Variants in RORA observed in about 807,000 individuals in gnomAD.
The protein encoded by RORA is RAR related orphan receptor A.
A neutral mutation model predicts 69.5 loss-of-function variants in RORA; 7 were observed. The ratio of observed to expected loss-of-function variants is 0.10; its 90% CI spans 0.06 to 0.19. RORA has a LOEUF of 0.19. Ranked by LOEUF, RORA falls within the 10% of genes least tolerant of loss-of-function variation. The probability of loss-of-function intolerance (pLI) is 1.00; values close to 1 mark genes in which losing one functional copy is unlikely to be tolerated. For missense variants in RORA, 457 were observed against 663.0 expected (o/e 0.69, Z 3.41); for synonymous variants, 261 against 240.8 (o/e 1.08, Z -0.78).
chr15:60,540,574 C>CCCCG (rs1555428642), intron 2 of RORA, among the ~76,000 whole-genome samples: 1,820 of 102,464 alleles, frequency 0.018, 205 homozygotes, highest in African/African-American at 0.077. Flanking sequence ...ACCCCCCCCC[C>CCCCG]CCAAAACTGT....
chr15:60,490,377 C>T lies in RORA; in HGVS notation c.*7078G>A, dbSNP rs769868330. 5 of 152,020 alleles carry T rather than the reference C, an allele frequency of 3.3e-5. No homozygotes were observed. The highest frequency in any genetic ancestry group is 5.9e-5 in the Non-Finnish European group (4 of 67,954). The allele number at this position is 152,020 out of a possible 1,614,324, so 9.4% of individuals were successfully genotyped here. A position where few individuals can be genotyped will look rare whatever the true frequency, so the allele number is the denominator to read the frequency against. On this transcript the variant is annotated 3_prime_UTR_variant, in exon 11 of 11. Coordinates refer to ENST00000335670, the MANE Select transcript of RORA (RefSeq NM_134261.3). The surrounding 1 kb of genome is among the most constrained non-coding windows in gnomAD (Gnocchi z 4.1). Reference sequence around the variant, plus strand: ...ATATAGTAAAACCGGTATTATACAGCATATTGTGGATTTGATAAACAGATA... The same window carrying T: ...ATATAGTAAAACCGGTATTATACAGTATATTGTGGATTTGATAAACAGATA...
intron 2 of RORA, among the ~76,000 whole-genome samples, chr15:60,577,900 T>C (rs1013411159): frequency 6.6e-6 from 1 of 152,222 alleles, no homozygotes; most frequent in Non-Finnish European, 1.5e-5. Flanking sequence ...AGAAGACAAG[T>C]AGATTCTCAT....
chr15:61,015,771 T>C (rs1280025994), intron 1 of RORA, among the ~76,000 whole-genome samples: 1 of 152,232 alleles, frequency 6.6e-6, no homozygotes, highest in Middle Eastern at 3.2e-3. Flanking sequence ...TCTAAGAATA[T>C]GCTCCAAATG....
At chr15:60,538,734 G>A (rs959409438) in intron 2 of RORA, among the ~76,000 whole-genome samples, 6 of 151,852 alleles carry the variant, frequency 4.0e-5, no homozygotes, top group African/African-American at 9.7e-5. Context: ...CGGTCTTGTC[G>A]GGGCATCATG....
chr15:60,558,463 T>C (rs1483210262), intron 2 of RORA: 1 of 541,940 alleles, frequency 1.8e-6, no homozygotes, highest in Non-Finnish European at 3.3e-6. Context: ...ATCATTAATG[T>C]CTGACTGAAT....
intron 2 of RORA, among the ~76,000 whole-genome samples, chr15:60,542,199 G>A (rs2066893368): frequency 6.6e-6 from 1 of 152,164 alleles, no homozygotes; most frequent in Non-Finnish European, 1.5e-5. Context: ...CACATCGGAT[G>A]GAAACACACT....
intron 3 of RORA, among the ~76,000 whole-genome samples, chr15:60,516,197 T>TTATATATATATATTTATATATATATTTA (rs1239658387): frequency 7.6e-5 from 1 of 13,214 alleles, no homozygotes; most frequent in Non-Finnish European, 1.2e-4. Context: ...ATATATATAT[T>TTATATATATATATTTATATATATATTTA]TATATATATA....
chr15:61,162,995 C>A (rs2140885327), intron 1 of RORA, among the ~76,000 whole-genome samples: 1 of 152,274 alleles, frequency 6.6e-6, no homozygotes, highest in African/African-American at 2.4e-5. Flanking sequence ...GTGCAAGGAC[C>A]TGATTTATGT....
intron 1 of RORA, among the ~76,000 whole-genome samples, chr15:61,115,416 T>C (rs1236001609): frequency 6.6e-6 from 1 of 152,168 alleles, no homozygotes; most frequent in East Asian, 1.9e-4. Flanking sequence ...ATCCTGGACA[T>C]GCTGCACCAC....
At chr15:61,041,466 C>T (rs762294099) in intron 1 of RORA, among the ~76,000 whole-genome samples, 1 of 152,178 alleles carries the variant, frequency 6.6e-6, no homozygotes, top group African/African-American at 2.4e-5. Flanking sequence ...GACAACCAGG[C>T]GCCACACTAA....
At chr15:60,552,058 A>C (rs1047786610) in intron 2 of RORA, among the ~76,000 whole-genome samples, 1 of 152,200 alleles carries the variant, frequency 6.6e-6, no homozygotes, top group Non-Finnish European at 1.5e-5. Flanking sequence ...CGTGGTTCAC[A>C]GTGGTGGTGT....
intron 2 of RORA, among the ~76,000 whole-genome samples, chr15:60,535,041 C>T (rs1407630227): frequency 1.3e-5 from 2 of 152,174 alleles, no homozygotes; most frequent in Non-Finnish European, 1.5e-5. Flanking sequence ...TGCCTTTCAT[C>T]GTGTAGGCTT....
chr15:60,616,229 G>A (rs941109259), intron 2 of RORA, among the ~76,000 whole-genome samples: 2 of 152,202 alleles, frequency 1.3e-5, no homozygotes, highest in African/African-American at 2.4e-5. Context: ...AATTGGCAGT[G>A]TTAAGCAATT....
chr15:60,803,673 G>T (rs779743710), intron 1 of RORA, among the ~76,000 whole-genome samples: 1 of 152,156 alleles, frequency 6.6e-6, no homozygotes, highest in Non-Finnish European at 1.5e-5. Flanking sequence ...AGCAGTAAAA[G>T]AATTCTAAGA....
intron 1 of RORA, among the ~76,000 whole-genome samples, chr15:61,108,752 C>G (rs997644673): frequency 1.3e-5 from 2 of 152,194 alleles, no homozygotes; most frequent in Admixed American, 1.3e-4. Context: ...AGTGGTCATT[C>G]TGGAGACCTT....
chr15:60,534,351 A>C lies in RORA; in HGVS notation c.197-2500T>G, dbSNP rs2141464727. Among the ~76,000 whole-genome samples the C allele has an allele frequency of 6.6e-6, 1 of 152,244 alleles. No homozygotes were observed. The highest frequency in any genetic ancestry group is 1.9e-4 in the East Asian group (1 of 5,176). On this transcript the variant is annotated intron_variant, in intron 2 of 10. Coordinates refer to ENST00000335670, the MANE Select transcript of RORA (RefSeq NM_134261.3). The surrounding 1 kb of genome is among the most constrained non-coding windows in gnomAD (Gnocchi z 5.0). ...GAGTTTGGTGCCACTGTGACACAGG[A>C]CTGATGGCCTGAGTCAGGCTTCAGC...
intron 1 of RORA, among the ~76,000 whole-genome samples, chr15:60,960,733 G>C (rs899326656): frequency 6.6e-6 from 1 of 151,668 alleles, no homozygotes; most frequent in African/African-American, 2.4e-5. Context: ...GCCTCCAAAG[G>C]CTGGCTTCAC....
intron 1 of RORA, among the ~76,000 whole-genome samples, chr15:60,742,091 ATATATC>A (rs2071582235): frequency 2.0e-5 from 3 of 152,268 alleles, no homozygotes; most frequent in African/African-American, 7.2e-5. Flanking sequence ...ACAACTGGAG[ATATATC>A]TATATCTATC....
rs192437238 is a variant in RORA at position 61,017,704 on chromosome 15, C to A, written c.166+211349G>T. Among the ~76,000 whole-genome samples, 387 of 152,116 alleles carry A rather than the reference C, an allele frequency of 2.5e-3. 2 individuals are homozygous for A. The highest frequency in any genetic ancestry group is 3.8e-3 in the Non-Finnish European group (261 of 68,002). ...CAAGAAGAGAAAATCAGCCACGAGCCCCCCAAAAAGGCAAAACAAAGCTGT... is the reference window on the plus strand; with the variant it reads ...CAAGAAGAGAAAATCAGCCACGAGCACCCCAAAAAGGCAAAACAAAGCTGT... On this transcript the variant is annotated intron_variant, in intron 1 of 10. Transcript: ENST00000335670.
Sources: allele counts gnomAD v4.1 joint callset (sites outside exome capture counted in the v4.1 genomes callset), GRCh38; gene constraint gnomAD v4.1.1; non-coding constraint Gnocchi (gnomAD v3.1); transcripts MANE v1.5; gene names NCBI Gene and HGNC (gene_info 2026-07-23, HGNC 2026-07-21).